PDIA6: variants seen among roughly 807,000 people sequenced by gnomAD.
The protein encoded by PDIA6 is protein disulfide-isomerase A6.
A neutral mutation model predicts 58.4 loss-of-function variants in PDIA6; 29 were observed. That is an observed-to-expected ratio of 0.50 (90% CI 0.37 to 0.68). PDIA6 has a LOEUF of 0.68. Among genes scored for constraint, PDIA6 ranks in the 30% least tolerant of loss-of-function variants. The probability of loss-of-function intolerance (pLI) is 0.00; values close to 1 mark genes in which losing one functional copy is unlikely to be tolerated. For synonymous variants in PDIA6, 192 were observed against 202.6 expected, an observed-to-expected ratio of 0.95 and a Z score of 0.44; for missense variants, 480 against 551.0, an observed-to-expected ratio of 0.87 and a Z score of 1.29.
At chr2:10,788,633 ACT>A (rs1665891956) in intron 10 of PDIA6, 62 bp downstream of exon 10, 14 of 1,068,430 alleles carry the variant, frequency 1.3e-5, no homozygotes, top group Non-Finnish European at 2.0e-5. Context: ...CGGGGGAACC[ACT>A]CTCAAGAAAG....
chr2:10,809,059 T>G (rs538843681), intron 1 of PDIA6, among the ~76,000 whole-genome samples: 1 of 152,296 alleles, frequency 6.6e-6, no homozygotes, highest in South Asian at 2.1e-4. Flanking sequence ...TCCGCCCACC[T>G]TGGCCTCCCA....
chr2:10,786,254 T>C (rs898350788), intron 11 of PDIA6, among the ~76,000 whole-genome samples: 1 of 147,456 alleles, frequency 6.8e-6, no homozygotes, highest in Non-Finnish European at 1.5e-5. Context: ...ACCCGGGAGG[T>C]GGAGGTTGCA....
upstream of PDIA6, among the ~76,000 whole-genome samples, chr2:10,814,416 G>C (rs182694980): frequency 6.6e-6 from 1 of 152,176 alleles, no homozygotes; most frequent in Admixed American, 6.5e-5. Context: ...AGGTGCGTGG[G>C]AAGCCCAACC....
At chr2:10,820,021 T>C (rs1409193051) in intron 1 of PDIA6, among the ~76,000 whole-genome samples, 1 of 152,188 alleles carries the variant, frequency 6.6e-6, no homozygotes, top group Non-Finnish European at 1.5e-5. Flanking sequence ...ATGACTAGTC[T>C]CACTTTACCG....
At chr2:10,836,328 T>A (rs1043905020), upstream of PDIA6, among the ~76,000 whole-genome samples, 1 of 152,192 alleles carries the variant, frequency 6.6e-6, no homozygotes, top group South Asian at 2.1e-4. Flanking sequence ...TTGTCTAGGA[T>A]GGGTCTGGGG....
At chr2:10,823,058 T>G (rs964693288) in intron 1 of PDIA6, 1 of 152,252 alleles carries the variant, frequency 6.6e-6, no homozygotes, top group African/African-American at 2.4e-5. Context: ...AGGGACTAGA[T>G]AGTGGTGGAT....
chr2:10,821,860 G>T (rs1667404063), intron 1 of PDIA6, among the ~76,000 whole-genome samples: 1 of 152,252 alleles, frequency 6.6e-6, no homozygotes, highest in East Asian at 1.9e-4. Context: ...CTGGGCTCAA[G>T]TGATCCTCCC....
intron 1 of PDIA6, 80 bp downstream of exon 1, chr2:10,812,598 C>A: frequency 1.5e-6 from 2 of 1,365,830 alleles, no homozygotes; most frequent in Non-Finnish European, 1.9e-6. Flanking sequence ...GGCCGCGGCC[C>A]GCCGGGGAAC....
intron 3 of PDIA6, 86 bp from the exon 4 acceptor site, chr2:10,797,293 GA>G: frequency 2.2e-6 from 3 of 1,362,576 alleles, no homozygotes; most frequent in Non-Finnish European, 2.0e-6. Flanking sequence ...CATAGACTCA[GA>G]AAAAGGTAAT....
chr2:10,820,826 G>A (rs56025654), intron 1 of PDIA6: 100,935 of 702,838 alleles, frequency 0.14, 8,167 homozygotes, highest in Middle Eastern at 0.18. Context: ...CCAGTGGTCG[G>A]CACACCCACA....
intron 1 of PDIA6, among the ~76,000 whole-genome samples, chr2:10,807,662 T>C (rs1407495183): frequency 2.0e-5 from 3 of 152,222 alleles, no homozygotes; most frequent in Admixed American, 6.5e-5. Flanking sequence ...CATTTTCACA[T>C]GCTTGCTTCA....
rs764717987 is a variant in PDIA6, at chr2:10,784,171, T to A, written c.*87A>T. On this transcript the variant is annotated 3_prime_UTR_variant, in exon 13 of 13. Transcript: ENST00000272227. ...GGTTAAAAGGCCACTGGTAGAGTCA[T>A]CTGAGTGTAGAGAATGTCCCTTCAC... 1 of 958,450 alleles carries A rather than the reference T, an allele frequency of 1.0e-6. No homozygotes were observed. The highest frequency in any genetic ancestry group is 2.3e-5 in the Admixed American group (1 of 43,896). 59.4% of individuals were successfully genotyped at this position (958,450 alleles called of 1,614,324 possible).
At chr2:10,817,651 G>C (rs1238383935), upstream of PDIA6, among the ~76,000 whole-genome samples, 1 of 152,212 alleles carries the variant, frequency 6.6e-6, no homozygotes, top group Non-Finnish European at 1.5e-5. Flanking sequence ...GCCAGGTCCT[G>C]TTCCTCTTCC....
chr2:10,785,458 A>G (rs1665677449), intron 11 of PDIA6, among the ~76,000 whole-genome samples: 1 of 152,308 alleles, frequency 6.6e-6, no homozygotes, highest in Non-Finnish European at 1.5e-5. Flanking sequence ...CGGGGTGCGT[A>G]TGTGCATAAA....
chr2:10,807,218 A>AT (rs1558452952), intron 1 of PDIA6, among the ~76,000 whole-genome samples: 1 of 151,884 alleles, frequency 6.6e-6, no homozygotes, highest in Admixed American at 6.6e-5. Context: ...ACACTTTTTA[A>AT]TTTTTTTTGA....
At chr2:10,813,767 C>A (rs1336452658), upstream of PDIA6, among the ~76,000 whole-genome samples, 1 of 152,184 alleles carries the variant, frequency 6.6e-6, no homozygotes, top group Admixed American at 6.5e-5. Flanking sequence ...TCCCGAGAAG[C>A]TGGGATGACA....
chr2:10,802,791 G>T (rs1666570305), intron 1 of PDIA6, 151 bp from the exon 2 acceptor site: 3 of 480,886 alleles, frequency 6.2e-6, no homozygotes, highest in Admixed American at 8.6e-5. Context: ...GCTGCAGTTG[G>T]AGCCCCTGGA....
chr2:10,808,505 A>C (rs1572685968), intron 1 of PDIA6, among the ~76,000 whole-genome samples: 2 of 152,368 alleles, frequency 1.3e-5, no homozygotes, highest in African/African-American at 4.8e-5. Context: ...GGAGTGATCT[A>C]GGAGAGGAAG....
At chr2:10,834,248 G>T (rs1401854299), upstream of PDIA6, among the ~76,000 whole-genome samples, 1 of 152,230 alleles carries the variant, frequency 6.6e-6, no homozygotes, top group Non-Finnish European at 1.5e-5. Flanking sequence ...GACAAAAAAG[G>T]GAACCTCTCA....
Sources: gnomAD v4.1 joint callset for allele counts (sites outside exome capture counted in the v4.1 genomes callset) on GRCh38, gnomAD v4.1.1 for gene constraint, MANE v1.5 for transcripts, NCBI Gene and HGNC (gene_info 2026-07-23, HGNC 2026-07-21) for gene names.